APBA1: variants seen among roughly 807,000 people sequenced by gnomAD.
APBA1 encodes the protein amyloid beta precursor protein binding family A member 1.
APBA1 carries 55 observed loss-of-function variants against 86.6 expected under a neutral mutation model. The ratio of observed to expected loss-of-function variants is 0.64; its 90% CI spans 0.51 to 0.80. The LOEUF (loss-of-function observed/expected upper bound fraction) is 0.80. APBA1 is among the 30% of genes least tolerant of loss of function. The pLI is 0.00. For synonymous variants in APBA1, 511 were observed against 493.9 expected, an observed-to-expected ratio of 1.03 and a Z score of -0.46; for missense variants, 1,090 against 1,183.0, an observed-to-expected ratio of 0.92 and a Z score of 1.15.
Position 69,516,142 on chromosome 9 carries a change from T to C in APBA1, c.1069A>G (p.Ile357Val), listed in dbSNP as rs752891167. The C allele has an allele frequency of 1.5e-5, 25 of 1,613,274 alleles. No individual in the cohort carries two copies. In the Admixed American group the frequency reaches 2.5e-4, roughly 16 times the overall value. Residue 357 changes from isoleucine (I) to valine (V), a missense_variant, in exon 2 of 13, where the codon ATC (isoleucine) becomes GTC (valine). Ile to Val is a conservative substitution (Grantham distance 29). Around this residue, in one of 6 missense-constraint regions of APBA1, gnomAD observed 678 missense variants for 647.1 expected, o/e 1.05. Coordinates refer to ENST00000265381, the MANE Select transcript of APBA1 (RefSeq NM_001163.4). The surrounding 1 kb of genome is among the most constrained non-coding windows in gnomAD (Gnocchi z 7.3). ...ATGGTCCTGGTTTTCACCTCCTCGATGGCCTCCTTGATGTCCTTGATGGCC... is the reference window on the plus strand; with the variant it reads ...ATGGTCCTGGTTTTCACCTCCTCGACGGCCTCCTTGATGTCCTTGATGGCC... ...SLAIKDIKEA[I>V]EEVKTRTIRS...
intron 5 of APBA1, among the ~76,000 whole-genome samples, 162 bp from the exon 6 acceptor site, chr9:69,458,350 TGTC>T (rs1318018143): frequency 6.6e-6 from 1 of 152,210 alleles, no homozygotes; most frequent in Admixed American, 6.5e-5. Flanking sequence ...AGATAATCAA[TGTC>T]GTAATTCAGA....
chr9:69,491,276 T>C (rs1185336133), intron 2 of APBA1, among the ~76,000 whole-genome samples: 1 of 151,970 alleles, frequency 6.6e-6, no homozygotes, highest in Non-Finnish European at 1.5e-5. Flanking sequence ...TATGCAGCCA[T>C]AAAAAAGGAT....
intron 1 of APBA1, among the ~76,000 whole-genome samples, chr9:69,594,624 T>C (rs1822194324): frequency 6.6e-6 from 1 of 152,132 alleles, no homozygotes; most frequent in Non-Finnish European, 1.5e-5. Flanking sequence ...TGATTATGAT[T>C]GGGGATTATA....
chr9:69,530,611 G>A (rs937441147), intron 1 of APBA1, among the ~76,000 whole-genome samples: 11 of 152,002 alleles, frequency 7.2e-5, no homozygotes, highest in African/African-American at 2.4e-4. Context: ...TTACCTATCT[G>A]GTACAATGTT....
In APBA1 at chr9:69,490,348, T is replaced by C. The variant is rs1473378031; in HGVS notation, c.1201-14205A>G. On this transcript the variant is annotated intron_variant, in intron 2 of 12. Transcript: ENST00000265381. Reference sequence around the variant, plus strand: ...GTGGGGTGGGGGGAGAGGGGAGAGATAGCTTTAGGAGATATACCTAATGCT... The same window carrying C: ...GTGGGGTGGGGGGAGAGGGGAGAGACAGCTTTAGGAGATATACCTAATGCT... Among the ~76,000 whole-genome samples, 3 of 151,776 alleles carry C rather than the reference T, an allele frequency of 2.0e-5. No individual in the cohort carries two copies. The East Asian group carries it at 5.8e-4, about 29-fold the overall frequency.
intron 2 of APBA1, among the ~76,000 whole-genome samples, chr9:69,494,819 A>G (rs1432298618): frequency 6.6e-6 from 1 of 152,170 alleles, no homozygotes; most frequent in Non-Finnish European, 1.5e-5. Flanking sequence ...CTACCTGCTA[A>G]GAACAGTCAT....
At chr9:69,569,489 G>A (rs888966861) in intron 1 of APBA1, among the ~76,000 whole-genome samples, 2 of 141,732 alleles carry the variant, frequency 1.4e-5, no homozygotes, top group African/African-American at 5.3e-5. Flanking sequence ...GTGTGTGTGT[G>A]TTACTGGCAT....
chr9:69,442,753 C>T (rs1834845882), intron 10 of APBA1, among the ~76,000 whole-genome samples: 1 of 152,222 alleles, frequency 6.6e-6, no homozygotes, highest in South Asian at 2.1e-4. Context: ...TCCACAGCCA[C>T]TACTGCTGTC....
chr9:69,536,798 T>C (rs561021975), intron 1 of APBA1, among the ~76,000 whole-genome samples: 2 of 150,520 alleles, frequency 1.3e-5, no homozygotes, highest in South Asian at 4.2e-4. Context: ...AAGAATTGCT[T>C]GAATTCAGGA....
At chr9:69,590,336 G>A (rs893753854) in intron 1 of APBA1, among the ~76,000 whole-genome samples, 1 of 152,164 alleles carries the variant, frequency 6.6e-6, no homozygotes, top group East Asian at 1.9e-4. Flanking sequence ...TGTGTTAGGC[G>A]AGGAAACAGT....
intron 1 of APBA1, among the ~76,000 whole-genome samples, chr9:69,603,247 C>T (rs7849601): frequency 0.079 from 11,954 of 152,260 alleles, 671 homozygotes; most frequent in African/African-American, 0.16. Context: ...AAGGCAAAAC[C>T]GTCATCCAAA....
intron 11 of APBA1, among the ~76,000 whole-genome samples, 185 bp from the exon 12 acceptor site, chr9:69,432,861 C>T (rs568875189): frequency 6.6e-6 from 1 of 152,200 alleles, no homozygotes; most frequent in East Asian, 1.9e-4. Context: ...CCCACATGGC[C>T]ACCTTGTTCA....
intron 2 of APBA1, among the ~76,000 whole-genome samples, chr9:69,476,994 C>A (rs187529242): frequency 2.0e-4 from 30 of 152,256 alleles, no homozygotes; most frequent in Admixed American, 1.8e-3. Flanking sequence ...TGATACAGAC[C>A]CGGAAAACAC....
At chr9:69,606,479 CTTTTTTTTTTTTTTTTTT>C (rs35083481) in intron 1 of APBA1, among the ~76,000 whole-genome samples, 2 of 50,894 alleles carry the variant, frequency 3.9e-5, no homozygotes, top group South Asian at 1.1e-3. Context: ...AGGGAGCTAG[CTTTTTTTTTTTTTTTTTT>C]TTTTTTTTTT....
At chr9:69,534,110 T>G (rs1836472238) in intron 1 of APBA1, among the ~76,000 whole-genome samples, 1 of 152,238 alleles carries the variant, frequency 6.6e-6, no homozygotes, top group Admixed American at 6.5e-5. Context: ...AAAGCAAATC[T>G]GATTCGTCCA....
intron 1 of APBA1, among the ~76,000 whole-genome samples, chr9:69,666,086 T>C (rs1433378309): frequency 1.3e-5 from 2 of 152,186 alleles, no homozygotes; most frequent in African/African-American, 4.8e-5. Flanking sequence ...TACTGATTCA[T>C]AGGTCAGCCC....
At chr9:69,445,949 T>C (rs929734819) in intron 10 of APBA1, among the ~76,000 whole-genome samples, 1 of 152,192 alleles carries the variant, frequency 6.6e-6, no homozygotes, top group Admixed American at 6.5e-5. Context: ...ACCTGCATTC[T>C]AACAAGATCC....
At chr9:69,504,835 G>A (rs989187283) in intron 2 of APBA1, among the ~76,000 whole-genome samples, 15 of 152,056 alleles carry the variant, frequency 9.9e-5, no homozygotes, top group Admixed American at 5.9e-4. Context: ...CCTTACAGAA[G>A]CCTCCCATCT....
Position 69,632,940 on chromosome 9 carries a change from A to G in APBA1, c.-70+39213T>C, listed in dbSNP as rs1823078040. ...GGCAGGAGATAGGAGAGAGGCAGGA[A>G]AGTGAGGTCAGAGTATCGATTCCTC... On this transcript the variant is annotated intron_variant, in intron 1 of 12. Coordinates refer to ENST00000265381, the MANE Select transcript of APBA1 (RefSeq NM_001163.4). 3.3e-5 allele frequency among the ~76,000 whole-genome samples: 5 copies of G among 152,064 alleles called. No individual in the cohort carries two copies. The South Asian group carries it at 1.0e-3, about 32-fold the overall frequency.
Sources: allele counts gnomAD v4.1 joint callset (sites outside exome capture counted in the v4.1 genomes callset), GRCh38; gene constraint gnomAD v4.1.1; regional missense constraint gnomAD v4.1.1; non-coding constraint Gnocchi (gnomAD v3.1); transcripts MANE v1.5; gene names NCBI Gene and HGNC (gene_info 2026-07-23, HGNC 2026-07-21).